The following DOK6 variants were observed in gnomAD, a reference collection of about 807,000 sequenced individuals.
DOK6 encodes downstream of tyrosine kinase 6.
A neutral mutation model predicts 44.0 loss-of-function variants in DOK6; 22 were observed. The observed-to-expected ratio is 0.50, with a 90% CI of 0.36 to 0.71. The LOEUF (loss-of-function observed/expected upper bound fraction) is 0.71, where lower values mean the gene tolerates loss of function less well. DOK6 is among the 30% of genes least tolerant of loss of function. The pLI, the probability that DOK6 is intolerant of heterozygous loss-of-function variation, is 0.00. For missense variants in DOK6, 340 were observed against 416.4 expected (o/e 0.82, Z 1.60); for synonymous variants, 166 against 145.5 (o/e 1.14, Z -1.01).
intron 7 of DOK6, among the ~76,000 whole-genome samples, chr18:69,780,495 G>A (rs1407624502): frequency 6.6e-6 from 1 of 152,216 alleles, no homozygotes; most frequent in Non-Finnish European, 1.5e-5. Flanking sequence ...TGGATGCTGA[G>A]GCAGGAGAGT....
At chr18:69,725,468 CATTTTT>C (rs923561920) in intron 5 of DOK6, among the ~76,000 whole-genome samples, 5 of 152,098 alleles carry the variant, frequency 3.3e-5, no homozygotes, top group African/African-American at 1.2e-4. Context: ...AAAGTGTGTT[CATTTTT>C]ATTTTTATTA....
At chr18:69,606,953 A>C (rs1393525439) in intron 3 of DOK6, among the ~76,000 whole-genome samples, 1 of 152,174 alleles carries the variant, frequency 6.6e-6, no homozygotes, top group African/African-American at 2.4e-5. Context: ...CAAAATACTT[A>C]TGAGTAAATT....
At chr18:69,584,107 CAAAAAAA>C (rs370695841) in intron 2 of DOK6, among the ~76,000 whole-genome samples, 8 of 91,296 alleles carry the variant, frequency 8.8e-5, no homozygotes, top group Non-Finnish European at 4.8e-5. Context: ...GACTCCGTCT[CAAAAAAA>C]AAAAAAAAAA....
chr18:69,451,726 T>G (rs796225523), intron 1 of DOK6, among the ~76,000 whole-genome samples: 107 of 115,784 alleles, frequency 9.2e-4, no homozygotes, highest in Admixed American at 2.4e-3. Context: ...CAGACCACAG[T>G]GCAATCAAAC....
At chr18:69,694,098 A>AT (rs1303097313) in intron 4 of DOK6, among the ~76,000 whole-genome samples, 1 of 140,574 alleles carries the variant, frequency 7.1e-6, no homozygotes, top group East Asian at 2.2e-4. Flanking sequence ...AAATTGATCT[A>AT]TTTAAAAACT....
chr18:69,415,184 A>T (rs1315506353), intron 1 of DOK6, among the ~76,000 whole-genome samples: 1 of 152,090 alleles, frequency 6.6e-6, no homozygotes, highest in Non-Finnish European at 1.5e-5. Flanking sequence ...TTGAAAAGGA[A>T]CCTATTTCTT....
At chr18:69,839,483 C>G (rs916143207) in intron 7 of DOK6, among the ~76,000 whole-genome samples, 1 of 152,170 alleles carries the variant, frequency 6.6e-6, no homozygotes, top group Admixed American at 6.5e-5. Context: ...CTTAACCCAT[C>G]CTTTAACTCT....
At chr18:69,675,245 C>G (rs1985894379) in intron 3 of DOK6, among the ~76,000 whole-genome samples, 1 of 152,094 alleles carries the variant, frequency 6.6e-6, no homozygotes, top group African/African-American at 2.4e-5. Context: ...CTTTCTTCGT[C>G]TCATTAAACC....
At chr18:69,732,085 T>G (rs1039149860) in intron 5 of DOK6, among the ~76,000 whole-genome samples, 1 of 152,234 alleles carries the variant, frequency 6.6e-6, no homozygotes, top group Non-Finnish European at 1.5e-5. Context: ...TTTTATAATT[T>G]GTTTTGCTTT....
rs561222366 is a variant in DOK6 at position 69,834,570 on chromosome 18, A to G, written c.857-6674A>G. On this transcript the variant is annotated intron_variant, in intron 7 of 7. Coordinates refer to ENST00000382713, the MANE Select transcript of DOK6 (RefSeq NM_152721.6). Reference sequence around the variant, plus strand: ...CAAAAAGAGATAAATGCTTGAGATGATGAATATCCCACTTACCCTGACTTG... The same window carrying G: ...CAAAAAGAGATAAATGCTTGAGATGGTGAATATCCCACTTACCCTGACTTG... Among the ~76,000 whole-genome samples, 133 of 152,342 alleles carry G rather than the reference A, an allele frequency of 8.7e-4. 1 individual carries two copies. The highest frequency in any genetic ancestry group is 2.8e-3 in the African/African-American group (118 of 41,580).
chr18:69,539,121 A>G (rs528529320), intron 1 of DOK6, among the ~76,000 whole-genome samples: 9 of 152,298 alleles, frequency 5.9e-5, no homozygotes, highest in African/African-American at 2.2e-4. Flanking sequence ...TTATCAAACT[A>G]CACTACAGCA....
chr18:69,838,343 A>T (rs759494925), intron 7 of DOK6, among the ~76,000 whole-genome samples: 1 of 152,188 alleles, frequency 6.6e-6, no homozygotes, highest in Non-Finnish European at 1.5e-5. Context: ...CAATTACAGA[A>T]ACTATGAATT....
At chr18:69,758,236 GA>G (rs1308365796) in intron 7 of DOK6, among the ~76,000 whole-genome samples, 1 of 152,070 alleles carries the variant, frequency 6.6e-6, no homozygotes, top group African/African-American at 2.4e-5. Context: ...TCCTTGAAAG[GA>G]TTCAATATCA....
chr18:69,551,965 T>A (rs1001870330), intron 1 of DOK6, among the ~76,000 whole-genome samples: 1 of 152,232 alleles, frequency 6.6e-6, no homozygotes, highest in African/African-American at 2.4e-5. Context: ...CCAGTTCACA[T>A]ACTTGGCTAT....
chr18:69,647,328 T>A (rs1223711406), intron 3 of DOK6: 1 of 152,200 alleles, frequency 6.6e-6, no homozygotes, highest in African/African-American at 2.4e-5. Context: ...GTTATGGTGG[T>A]TTCACTGGCT....
chr18:69,403,289 C>T (rs1732936988), intron 1 of DOK6, among the ~76,000 whole-genome samples: 1 of 152,140 alleles, frequency 6.6e-6, no homozygotes, highest in Admixed American at 6.5e-5. Context: ...GGATTTCACA[C>T]AACAAAAACT....
At chr18:69,560,367 G>A (rs1163194256) in intron 1 of DOK6, among the ~76,000 whole-genome samples, 2 of 152,000 alleles carry the variant, frequency 1.3e-5, no homozygotes, top group Non-Finnish European at 2.9e-5. Context: ...ATATGGTGAA[G>A]AGAGTAATTT....
chr18:69,465,030 C>T (rs985951488), intron 1 of DOK6, among the ~76,000 whole-genome samples: 2 of 151,862 alleles, frequency 1.3e-5, no homozygotes, highest in African/African-American at 4.8e-5. Context: ...GAAGTTAGAC[C>T]TTTGTTCATT....
chr18:69,418,777 G>A (rs761023962), intron 1 of DOK6, among the ~76,000 whole-genome samples: 3 of 151,918 alleles, frequency 2.0e-5, no homozygotes, highest in Non-Finnish European at 4.4e-5. Context: ...TAGCCTGAGA[G>A]CTTCAAAATA....
Sources: gnomAD v4.1 joint callset for allele counts (sites outside exome capture counted in the v4.1 genomes callset) on GRCh38, gnomAD v4.1.1 for gene constraint, MANE v1.5 for transcripts, NCBI Gene and HGNC (gene_info 2026-07-23, HGNC 2026-07-21) for gene names.